PLPP7: variants seen among roughly 807,000 people sequenced by gnomAD.
The protein encoded by PLPP7 is inactive phospholipid phosphatase 7.
A neutral mutation model predicts 16.9 loss-of-function variants in PLPP7; 11 were observed. That is an observed-to-expected ratio of 0.65 (90% confidence interval 0.41 to 1.08). The LOEUF (loss-of-function observed/expected upper bound fraction) is 1.08. PLPP7 is among the 50% of genes least tolerant of loss of function. The pLI, the probability that PLPP7 is intolerant of heterozygous loss-of-function variation, is 0.00. For synonymous variants in PLPP7, 174 were observed against 175.1 expected (o/e 0.99, Z 0.05); for missense variants, 358 against 397.1 (o/e 0.90, Z 0.84).
At chr9:131,298,183 G>C (rs1240640317) in intron 1 of PLPP7, among the ~76,000 whole-genome samples, 1 of 152,206 alleles carries the variant, frequency 6.6e-6, no homozygotes, top group East Asian at 1.9e-4. Context: ...CCTGCAAGGG[G>C]AAGAGCTGAG....
rs1835880711 is a variant in PLPP7, at chr9:131,308,387, G to A, written c.*100G>A. The A allele has an allele frequency of 6.9e-7, 1 of 1,441,888 alleles. No homozygotes were observed. Among genetic ancestry groups the A allele is most frequent in the Non-Finnish European group, 9.1e-7 (1 of 1,099,202 alleles). 89.3% of individuals were successfully genotyped at this position (1,441,888 alleles called of 1,614,324 possible). Reference sequence around the variant, plus strand: ...GGGCGTGGGTGGAACAGAGCGGCCAGGAGTCAGAGCGGCCACCCCCACCTC... The same window carrying A: ...GGGCGTGGGTGGAACAGAGCGGCCAAGAGTCAGAGCGGCCACCCCCACCTC... On this transcript the variant is annotated 3_prime_UTR_variant, in exon 2 of 2. Coordinates refer to ENST00000372264, the MANE Select transcript of PLPP7 (RefSeq NM_032728.4).
intron 1 of PLPP7, among the ~76,000 whole-genome samples, chr9:131,306,493 T>C (rs1053482679): frequency 4.0e-5 from 6 of 150,470 alleles, no homozygotes; most frequent in African/African-American, 7.4e-5. Context: ...GCCGAGATCA[T>C]GCCACCACAC....
rs1452843209 is a variant in PLPP7 at position 131,308,377 on chromosome 9, A to G, written c.*90A>G. 1 of 1,453,822 alleles carries G rather than the reference A, an allele frequency of 6.9e-7. No individual in the cohort carries two copies. The highest frequency in any genetic ancestry group is 2.5e-5 in the East Asian group (1 of 40,220). 90.1% of individuals were successfully genotyped at this position (1,453,822 alleles called of 1,614,324 possible). On this transcript the variant is annotated 3_prime_UTR_variant, in exon 2 of 2. Transcript: ENST00000372264. ...GCGAGGTGGCGGGCGTGGGTGGAAC[A>G]GAGCGGCCAGGAGTCAGAGCGGCCA...
Position 131,290,302 on chromosome 9 carries a change from G to A in PLPP7, c.305G>A (p.Arg102Gln), listed in dbSNP as rs775678925. The change falls in exon 1 of 2, where the codon CGG becomes CAG. Residue 102 changes from arginine to glutamine, a missense_variant. By Grantham distance (43) the Arg-to-Gln change is conservative. Coordinates refer to ENST00000372264, the MANE Select transcript of PLPP7 (RefSeq NM_032728.4). This position sits in a 1 kb window ranked among gnomAD's most constrained non-coding sequence, Gnocchi z 4.2. ...MSKRLGVCAG[R>Q]AASWASARSM... ...AAGCGGCTGGGGGTGTGCGCTGGCC[G>A]GGCGGCGTCCTGGGCCAGTGCCCGC... The A allele has an allele frequency of 2.7e-5, 43 of 1,611,874 alleles. No homozygotes were observed. In the East Asian group the frequency reaches 4.5e-4, roughly 17 times the overall value.
intron 1 of PLPP7, among the ~76,000 whole-genome samples, chr9:131,303,332 T>TAAA (rs34474446): frequency 8.1e-5 from 8 of 99,156 alleles, no homozygotes; most frequent in Admixed American, 5.6e-4. Context: ...AACTCTGTCT[T>TAAA]AAAAAAAAAA....
At chr9:131,302,811 C>T (rs2131219221) in intron 1 of PLPP7, among the ~76,000 whole-genome samples, 1 of 152,270 alleles carries the variant, frequency 6.6e-6, no homozygotes, top group Non-Finnish European at 1.5e-5. Context: ...GACCAGACTA[C>T]AAGCAGCAAC....
chr9:131,296,383 C>A (rs900633042), intron 1 of PLPP7, among the ~76,000 whole-genome samples: 2 of 152,206 alleles, frequency 1.3e-5, no homozygotes, highest in African/African-American at 4.8e-5. Flanking sequence ...CCTGCCTCTG[C>A]CTCCCAAGTA....
At chr9:131,302,879 C>T (rs1564248219) in intron 1 of PLPP7, among the ~76,000 whole-genome samples, 3 of 152,182 alleles carry the variant, frequency 2.0e-5, no homozygotes, top group African/African-American at 7.2e-5. Context: ...GGGAGGACTG[C>T]GTGATCTGGA....
chr9:131,297,200 G>A (rs1835743090), intron 1 of PLPP7, among the ~76,000 whole-genome samples: 1 of 152,200 alleles, frequency 6.6e-6, no homozygotes, highest in Non-Finnish European at 1.5e-5. Context: ...CCAGTAGGCA[G>A]GGTCTGGATC....
At chr9:131,294,975 C>T (rs745704980) in intron 1 of PLPP7, among the ~76,000 whole-genome samples, 10 of 149,954 alleles carry the variant, frequency 6.7e-5, no homozygotes, top group African/African-American at 1.5e-4. Flanking sequence ...TCCTTTGAGA[C>T]GGAATCTCAC....
In PLPP7 at chr9:131,308,511, C is replaced by G; in HGVS notation, c.*224C>G. 1 of 731,726 alleles carries G rather than the reference C, an allele frequency of 1.4e-6. No individual in the cohort carries two copies. Among genetic ancestry groups the G allele is most frequent in the Non-Finnish European group, 2.2e-6 (1 of 463,022 alleles). The allele number at this position is 731,726 out of a possible 1,614,324, so 45.3% of individuals were successfully genotyped here. A position where few individuals can be genotyped will look rare whatever the true frequency, so the allele number is the denominator to read the frequency against. On this transcript the variant is annotated 3_prime_UTR_variant, in exon 2 of 2. Transcript: ENST00000372264. ...GGCCTCTTGCCCCTTTGCTTGGACT[C>G]CAAGTCTCCTCTCTAGGCAGCCAGG...
chr9:131,305,900 A>G (rs1285389374), intron 1 of PLPP7, among the ~76,000 whole-genome samples: 1 of 151,920 alleles, frequency 6.6e-6, no homozygotes, highest in Admixed American at 6.6e-5. Context: ...AAGTGCTGGG[A>G]TTATAAGTGT....
At chr9:131,301,966 G>A (rs553450299) in intron 1 of PLPP7, among the ~76,000 whole-genome samples, 4 of 152,054 alleles carry the variant, frequency 2.6e-5, no homozygotes, top group Admixed American at 6.6e-5. Context: ...ACAGGTGCCC[G>A]CCACCATGCC....
At chr9:131,306,886 G>A (rs887542946) in intron 1 of PLPP7, among the ~76,000 whole-genome samples, 45 of 152,180 alleles carry the variant, frequency 3.0e-4, no homozygotes, top group Non-Finnish European at 6.2e-4. Context: ...GCTGAATGCC[G>A]CTGAAGCGTG....
intron 1 of PLPP7, among the ~76,000 whole-genome samples, chr9:131,302,333 C>T (rs1044931009): frequency 1.3e-5 from 2 of 152,142 alleles, no homozygotes; most frequent in Non-Finnish European, 2.9e-5. Context: ...GAGAGGGCTC[C>T]CTGGGCTGGA....
At chr9:131,294,023 C>T (rs1213619870) in intron 1 of PLPP7, among the ~76,000 whole-genome samples, 1 of 152,164 alleles carries the variant, frequency 6.6e-6, no homozygotes, top group Non-Finnish European at 1.5e-5. Context: ...GGAGCTGCAG[C>T]TACGAGGCCT....
chr9:131,302,366 G>A (rs1482517235), intron 1 of PLPP7, among the ~76,000 whole-genome samples: 2 of 152,338 alleles, frequency 1.3e-5, no homozygotes, highest in African/African-American at 4.8e-5. Context: ...GCCCCTCTAA[G>A]CTGGCTTCCT....
rs768515508 is a variant in PLPP7, at chr9:131,290,096, G to A, written c.99G>A (p.Pro33=). 54 of 1,517,308 alleles carry A rather than the reference G, an allele frequency of 3.6e-5. No homozygotes were observed. The highest frequency in any genetic ancestry group is 4.2e-5 in the African/African-American group (3 of 71,236). The allele number at this position is 1,517,308 out of a possible 1,614,324, so 94.0% of individuals were successfully genotyped here. ...TGAACCAGCCCCCCAAGGGGGGCCC[G>A]GAGCCCCGCAGCTCGGGCAGAAAGG... ...LSLNQPPKGG[P]EPRSSGRKAS... Residue 33 remains proline, a synonymous_variant, in exon 1 of 2, where the codon CCG becomes CCA. Coordinates refer to ENST00000372264, the MANE Select transcript of PLPP7 (RefSeq NM_032728.4). This position sits in a 1 kb window ranked among gnomAD's most constrained non-coding sequence, Gnocchi z 4.2.
Position 131,295,343 on chromosome 9 carries a change from G to A in PLPP7, c.451+4895G>A, listed in dbSNP as rs1835724532. 6.6e-6 allele frequency among the ~76,000 whole-genome samples: 1 copy of A among 151,236 alleles called. No homozygotes were observed. The highest frequency in any genetic ancestry group is 1.5e-5 in the Non-Finnish European group (1 of 67,756). On this transcript the variant is annotated intron_variant, in intron 1 of 1. Transcript: ENST00000372264. The surrounding 1 kb of genome is among the most constrained non-coding windows in gnomAD (Gnocchi z 4.0). ...TAATTTTTGTATTTTTAGTAGAGAT[G>A]GGGTTTCACCATGTTGGCCAGGCTG...
Sources: allele counts gnomAD v4.1 joint callset (sites outside exome capture counted in the v4.1 genomes callset), GRCh38; gene constraint gnomAD v4.1.1; non-coding constraint Gnocchi (gnomAD v3.1); transcripts MANE v1.5; gene names NCBI Gene and HGNC (gene_info 2026-07-23, HGNC 2026-07-21).